Variants in LRRC4C observed in about 807,000 individuals in gnomAD.
The protein encoded by LRRC4C is leucine-rich repeat-containing protein 4C.
In LRRC4C, 5 loss-of-function variants were observed where a neutral mutation model predicts 33.6. The observed-to-expected ratio is 0.15, with a 90% CI of 0.08 to 0.31. LRRC4C has a LOEUF of 0.31. Among genes scored for constraint, LRRC4C ranks in the 10% least tolerant of loss-of-function variants. The pLI is 1.00. For missense variants in LRRC4C, 560 were observed against 796.7 expected, an observed-to-expected ratio of 0.70 and a Z score of 3.58; for synonymous variants, 329 against 302.0, an observed-to-expected ratio of 1.09 and a Z score of -0.93.
At chr11:41,449,104 T>G (rs1590318730) in intron 1 of LRRC4C, among the ~76,000 whole-genome samples, 1 of 152,214 alleles carries the variant, frequency 6.6e-6, no homozygotes, top group East Asian at 1.9e-4. Context: ...TAGCCAATAT[T>G]GCAAGGCTGG....
intron 3 of LRRC4C, among the ~76,000 whole-genome samples, chr11:40,520,551 C>T (rs1225167410): frequency 6.6e-6 from 1 of 152,114 alleles, no homozygotes; most frequent in Non-Finnish European, 1.5e-5. Context: ...ACACACACAA[C>T]ATTTATTGAT....
At chr11:40,956,246 G>A (rs1255856719) in intron 1 of LRRC4C, among the ~76,000 whole-genome samples, 1 of 151,744 alleles carries the variant, frequency 6.6e-6, no homozygotes, top group Non-Finnish European at 1.5e-5. Flanking sequence ...TTCCTGGATT[G>A]TAAAATACAT....
intron 5 of LRRC4C, among the ~76,000 whole-genome samples, chr11:40,179,212 C>T (rs974486442): frequency 2.0e-5 from 3 of 151,838 alleles, no homozygotes; most frequent in African/African-American, 7.3e-5. Context: ...TCTATGGTGC[C>T]TAGACTGATC....
intron 1 of LRRC4C, among the ~76,000 whole-genome samples, chr11:41,028,879 T>C (rs1402917134): frequency 6.6e-6 from 1 of 151,736 alleles, no homozygotes; most frequent in African/African-American, 2.4e-5. Context: ...AAGATCCTCC[T>C]CTGATGTCCA....
intron 5 of LRRC4C, among the ~76,000 whole-genome samples, chr11:40,225,421 A>T (rs1255515279): frequency 6.6e-6 from 1 of 152,220 alleles, no homozygotes; most frequent in Non-Finnish European, 1.5e-5. Flanking sequence ...TCACCTTTTC[A>T]AACGGGCTTT....
At position 40,994,475 on chromosome 11, in the gene LRRC4C, G is replaced by A. The variant is rs959249286; in HGVS notation, c.-495-60752C>T. On this transcript the variant is annotated intron_variant, in intron 1 of 6. Transcript: ENST00000528697. ...TCATTTGCAATTAACATAGGGTGAC[G>A]GTGATCCTTTCAGAATTTCTGGCTT... Among the ~76,000 whole-genome samples, 6 of 152,038 alleles carry A rather than the reference G, an allele frequency of 3.9e-5. 1 individual carries two copies. Among genetic ancestry groups the A allele is most frequent in the Admixed American group, 2.0e-4 (3 of 15,240 alleles).
intron 1 of LRRC4C, among the ~76,000 whole-genome samples, chr11:41,335,806 C>T (rs1184229403): frequency 6.6e-6 from 1 of 152,140 alleles, no homozygotes; most frequent in African/African-American, 2.4e-5. Context: ...TTCTCTTCTC[C>T]AAGCTTCTTT....
chr11:41,399,829 T>A (rs569109904), intron 1 of LRRC4C, among the ~76,000 whole-genome samples: 1 of 152,016 alleles, frequency 6.6e-6, no homozygotes, highest in East Asian at 1.9e-4. Context: ...TGATGCAAAC[T>A]GCTCAGAATA....
At chr11:40,616,103 A>G (rs1235689544) in intron 3 of LRRC4C, among the ~76,000 whole-genome samples, 1 of 152,078 alleles carries the variant, frequency 6.6e-6, no homozygotes, top group African/African-American at 2.4e-5. Flanking sequence ...GCTGAAGGAT[A>G]TGAACAGACA....
chr11:40,650,800 C>T (rs1323557016), intron 2 of LRRC4C, among the ~76,000 whole-genome samples: 1 of 152,094 alleles, frequency 6.6e-6, no homozygotes. Context: ...AAGAAACTCT[C>T]AGCCATGGTA....
intron 1 of LRRC4C, among the ~76,000 whole-genome samples, chr11:41,306,547 T>C (rs1335963067): frequency 1.3e-5 from 2 of 152,234 alleles, no homozygotes; most frequent in Non-Finnish European, 2.9e-5. Context: ...TGTGCTATTC[T>C]AAGTGGAGAG....
intron 3 of LRRC4C, among the ~76,000 whole-genome samples, chr11:40,646,906 A>G (rs1483640311): frequency 6.6e-6 from 1 of 152,128 alleles, no homozygotes; most frequent in Non-Finnish European, 1.5e-5. Flanking sequence ...GTGCCTGGCC[A>G]AGTCTTCTCT....
chr11:40,298,034 C>T (rs567565744), intron 4 of LRRC4C, among the ~76,000 whole-genome samples: 12 of 152,216 alleles, frequency 7.9e-5, no homozygotes, highest in African/African-American at 2.6e-4. Flanking sequence ...CTTTGTACAC[C>T]GTTGAGTGAA....
At chr11:40,195,141 G>C (rs146450143) in intron 5 of LRRC4C, among the ~76,000 whole-genome samples, 39 of 152,116 alleles carry the variant, frequency 2.6e-4, no homozygotes, top group Middle Eastern at 3.4e-3. Context: ...TGCAACTCAG[G>C]AATCCTGTAG....
intron 5 of LRRC4C, among the ~76,000 whole-genome samples, chr11:40,177,581 G>A (rs1166109412): frequency 6.6e-6 from 1 of 152,102 alleles, no homozygotes; most frequent in Non-Finnish European, 1.5e-5. Flanking sequence ...GATAGCTATA[G>A]GGCTCACAGT....
intron 1 of LRRC4C, among the ~76,000 whole-genome samples, chr11:40,976,120 T>A (rs2137044201): frequency 6.6e-6 from 1 of 152,336 alleles, no homozygotes; most frequent in South Asian, 2.1e-4. Flanking sequence ...ACAAACTTTT[T>A]ATGATTTTTT....
chr11:40,737,535 A>T (rs1322059976), intron 2 of LRRC4C, among the ~76,000 whole-genome samples: 1 of 151,898 alleles, frequency 6.6e-6, no homozygotes, highest in African/African-American at 2.4e-5. Flanking sequence ...AGGATACAAG[A>T]TCTACGTGCG....
At chr11:40,975,038 C>G (rs1478433595) in intron 1 of LRRC4C, among the ~76,000 whole-genome samples, 5 of 152,158 alleles carry the variant, frequency 3.3e-5, no homozygotes, top group Non-Finnish European at 7.3e-5. Flanking sequence ...CTGCAGATGT[C>G]CTGTTGTGGA....
At chr11:40,436,777 A>G (rs1951157330) in intron 3 of LRRC4C, among the ~76,000 whole-genome samples, 1 of 152,200 alleles carries the variant, frequency 6.6e-6, no homozygotes, top group Admixed American at 6.6e-5. Flanking sequence ...AGACCCCAGC[A>G]TGGTGAAGAA....
Sources: allele counts gnomAD v4.1 joint callset (sites outside exome capture counted in the v4.1 genomes callset), GRCh38; gene constraint gnomAD v4.1.1; transcripts MANE v1.5; gene names NCBI Gene and HGNC (gene_info 2026-07-23, HGNC 2026-07-21).